The following UBE2E2 variants were observed in gnomAD, a reference collection of about 807,000 sequenced individuals.
UBE2E2 encodes the protein ubiquitin conjugating enzyme E2 E2.
A neutral mutation model predicts 24.7 loss-of-function variants in UBE2E2; 6 were observed. That is an observed-to-expected ratio of 0.24 (90% CI 0.13 to 0.48). UBE2E2 has a LOEUF of 0.48. Ranked by LOEUF, UBE2E2 falls within the 20% of genes least tolerant of loss-of-function variation. UBE2E2 has a pLI of 0.99. For synonymous variants in UBE2E2, 104 were observed against 83.6 expected, an observed-to-expected ratio of 1.24 and a Z score of -1.33; for missense variants, 169 against 245.0, an observed-to-expected ratio of 0.69 and a Z score of 2.07.
At chr3:23,277,958 C>T (rs375275998) in intron 3 of UBE2E2, among the ~76,000 whole-genome samples, 11 of 152,162 alleles carry the variant, frequency 7.2e-5, no homozygotes, top group South Asian at 6.2e-4. Context: ...TCTTCTTGGG[C>T]GTGATACCCA....
At chr3:23,351,752 C>G (rs6786085) in intron 3 of UBE2E2, among the ~76,000 whole-genome samples, 66,815 of 151,542 alleles carry the variant, frequency 0.44, 14,975 homozygotes, top group Admixed American at 0.56. Flanking sequence ...TAGTGACATA[C>G]AAAGAGACTT....
intron 5 of UBE2E2, among the ~76,000 whole-genome samples, chr3:23,551,811 G>A (rs1203727654): frequency 1.3e-5 from 2 of 152,348 alleles, no homozygotes; most frequent in African/African-American, 4.8e-5. Context: ...GTATAAGGGT[G>A]TGTGCTACGG....
At chr3:23,297,098 A>G (rs1381075112) in intron 3 of UBE2E2, among the ~76,000 whole-genome samples, 1 of 152,144 alleles carries the variant, frequency 6.6e-6, no homozygotes, top group Non-Finnish European at 1.5e-5. Flanking sequence ...TGGGCTGCAT[A>G]AATGTCTTCT....
intron 3 of UBE2E2, among the ~76,000 whole-genome samples, chr3:23,327,581 T>G (rs1228205326): frequency 6.6e-6 from 1 of 152,232 alleles, no homozygotes; most frequent in Non-Finnish European, 1.5e-5. Flanking sequence ...TTTATTGTTC[T>G]TATAGGCAGG....
intron 3 of UBE2E2, among the ~76,000 whole-genome samples, chr3:23,316,239 C>T (rs1266728532): frequency 6.6e-6 from 1 of 152,104 alleles, no homozygotes; most frequent in East Asian, 1.9e-4. Flanking sequence ...CCAGAAGTGC[C>T]ATCCAAGAGC....
chr3:23,270,794 A>G (rs1165134891), intron 3 of UBE2E2, among the ~76,000 whole-genome samples: 2 of 152,226 alleles, frequency 1.3e-5, no homozygotes, highest in Admixed American at 1.3e-4. Context: ...AATGTTTAAC[A>G]GTTTCAGGAA....
intron 5 of UBE2E2, among the ~76,000 whole-genome samples, chr3:23,579,761 C>G (rs760516508): frequency 5.9e-5 from 9 of 151,986 alleles, no homozygotes; most frequent in Non-Finnish European, 1.2e-4. Flanking sequence ...GATGGCGATT[C>G]TCTGATGGAT....
intron 5 of UBE2E2, among the ~76,000 whole-genome samples, chr3:23,563,198 T>C (rs1347650498): frequency 6.6e-6 from 1 of 152,234 alleles, no homozygotes; most frequent in East Asian, 1.9e-4. Context: ...CTTTCTCTTA[T>C]GGGCATTTAG....
At chr3:23,380,095 A>AAAC (rs1696628733) in intron 3 of UBE2E2, among the ~76,000 whole-genome samples, 1 of 151,862 alleles carries the variant, frequency 6.6e-6, no homozygotes, top group African/African-American at 2.4e-5. Context: ...GTAAAAAAAA[A>AAAC]AAAAAAAAAC....
intron 4 of UBE2E2, among the ~76,000 whole-genome samples, chr3:23,531,563 G>C (rs1695123370): frequency 6.6e-6 from 1 of 152,158 alleles, no homozygotes; most frequent in African/African-American, 2.4e-5. Context: ...GCATACAGTG[G>C]TGATCTAGCT....
chr3:23,522,491 A>AT (rs1694892397), intron 4 of UBE2E2, among the ~76,000 whole-genome samples: 1 of 152,048 alleles, frequency 6.6e-6, no homozygotes. Context: ...TTTTGAGTAA[A>AT]TTTTTTAAAG....
At chr3:23,398,381 C>G (rs141532567) in intron 3 of UBE2E2, among the ~76,000 whole-genome samples, 1 of 149,978 alleles carries the variant, frequency 6.7e-6, no homozygotes, top group East Asian at 2.0e-4. Context: ...CCAAAGTAAT[C>G]ACTATGTTTT....
intron 3 of UBE2E2, among the ~76,000 whole-genome samples, chr3:23,253,313 G>A (rs1052376567): frequency 2.6e-5 from 4 of 152,190 alleles, no homozygotes; most frequent in African/African-American, 9.7e-5. Context: ...GAGACAGGCA[G>A]AGAATGACAA....
intron 3 of UBE2E2, among the ~76,000 whole-genome samples, chr3:23,284,752 G>T (rs1289692485): frequency 6.6e-6 from 1 of 151,446 alleles, no homozygotes; most frequent in South Asian, 2.1e-4. Context: ...TAAGATATAG[G>T]TACACAATGT....
chr3:23,551,315 C>G (rs1695637705), intron 5 of UBE2E2, among the ~76,000 whole-genome samples: 1 of 152,114 alleles, frequency 6.6e-6, no homozygotes, highest in Non-Finnish European at 1.5e-5. Context: ...AGCATTATAA[C>G]TTTGGTAAGT....
intron 3 of UBE2E2, chr3:23,273,828 G>A (rs78238781): frequency 6.6e-6 from 1 of 152,386 alleles, no homozygotes; most frequent in Non-Finnish European, 1.5e-5. Flanking sequence ...GTGCAGTGTG[G>A]TGTTTACAAC....
At chr3:23,471,335 T>C (rs1699029609) in intron 3 of UBE2E2, among the ~76,000 whole-genome samples, 3 of 152,144 alleles carry the variant, frequency 2.0e-5, no homozygotes, top group African/African-American at 7.2e-5. Flanking sequence ...AACCTACAGA[T>C]AGCAACAACC....
chr3:23,393,673 C>T (rs1003097039), intron 3 of UBE2E2, among the ~76,000 whole-genome samples: 9 of 152,136 alleles, frequency 5.9e-5, no homozygotes, highest in Admixed American at 5.9e-4. Flanking sequence ...AACAATAATG[C>T]TTTCACATAG....
intron 3 of UBE2E2, among the ~76,000 whole-genome samples, chr3:23,408,544 A>G (rs1369620897): frequency 6.6e-6 from 1 of 152,198 alleles, no homozygotes; most frequent in Non-Finnish European, 1.5e-5. Context: ...GTTAAAGTAT[A>G]TGACTCTGAT....
Sources: allele counts gnomAD v4.1 joint callset (sites outside exome capture counted in the v4.1 genomes callset), GRCh38; gene constraint gnomAD v4.1.1; transcripts MANE v1.5; gene names NCBI Gene and HGNC (gene_info 2026-07-23, HGNC 2026-07-21).